Variants in MAFK observed in about 807,000 individuals in gnomAD.
MAFK encodes transcription factor MafK.
In MAFK, 1 loss-of-function variant was observed where a neutral mutation model predicts 9.2. The observed-to-expected ratio is 0.11, with a 90% CI of 0.04 to 0.52. MAFK has a LOEUF of 0.52. Ranked by LOEUF, MAFK falls within the 20% of genes least tolerant of loss-of-function variation. MAFK has a pLI of 0.94. For missense variants in MAFK, 207 were observed against 236.0 expected (o/e 0.88, Z 0.81); for synonymous variants, 110 against 107.4 (o/e 1.02, Z -0.15).
chr7:1,538,330 G>GTC (rs981915920), intron 1 of MAFK: 2 of 985,328 alleles, frequency 2.0e-6, no homozygotes, highest in African/African-American at 3.5e-5. Flanking sequence ...CACCTCCCTG[G>GTC]TCTCTGGCTG....
chr7:1,539,288 C>G (rs565737109), intron 2 of MAFK, 60 bp downstream of exon 2: 41 of 1,397,088 alleles, frequency 2.9e-5, no homozygotes, highest in Admixed American at 7.8e-5. Context: ...GCCCCCGGCC[C>G]GACAGCCCCT....
At chr7:1,537,881 G>A (rs1226181390) in intron 1 of MAFK, 1 of 184,352 alleles carries the variant, frequency 5.4e-6, no homozygotes, top group African/African-American at 2.4e-5. Context: ...ATGTCCAGTG[G>A]AGGTGCTGAC....
At chr7:1,535,085 C>CTTTTTTTTTTTTTT (rs59057812) in intron 1 of MAFK, among the ~76,000 whole-genome samples, 37 of 111,946 alleles carry the variant, frequency 3.3e-4, no homozygotes, top group African/African-American at 5.5e-4. Context: ...ATTTAAAATT[C>CTTTTTTTTTTTTTT]TTTTTTTTTT....
chr7:1,531,973 A>G (rs1031442618), intron 1 of MAFK, among the ~76,000 whole-genome samples: 16 of 152,186 alleles, frequency 1.1e-4, no homozygotes, highest in African/African-American at 3.9e-4. Flanking sequence ...CCATTCATTC[A>G]CCAGGTGACC....
At position 1,540,605 on chromosome 7, in the gene MAFK, G is replaced by T; in HGVS notation, c.*230G>T. 1 of 537,200 alleles carries T rather than the reference G, an allele frequency of 1.9e-6. No homozygotes were observed. Among genetic ancestry groups the T allele is most frequent in the Non-Finnish European group, 3.3e-6 (1 of 305,524 alleles). The allele number at this position is 537,200 out of a possible 1,614,324, so 33.3% of individuals were successfully genotyped here. On this transcript the variant is annotated 3_prime_UTR_variant, in exon 3 of 3. Transcript: ENST00000343242. Reference sequence around the variant, plus strand: ...ACAGACACACTCACGCCCGCCACCTGCTCCCCGCAGGATGTGTCTGTGTGT... The same window carrying T: ...ACAGACACACTCACGCCCGCCACCTTCTCCCCGCAGGATGTGTCTGTGTGT...
chr7:1,535,823 C>A (rs1195254421), intron 1 of MAFK, among the ~76,000 whole-genome samples: 1 of 152,218 alleles, frequency 6.6e-6, no homozygotes. Context: ...CTGGGCGGAG[C>A]CGCCCTGCCC....
rs1319216259 is a variant in MAFK at position 1,534,772 on chromosome 7, C to T, written c.-45+3874C>T. ...GGCCTCGTAGAGCGAGCGGCAGCCC[C>T]GATGCGTCCTCTCATCTGGGAAGAA... is the stretch of plus-strand genomic sequence containing the variant. On this transcript the variant is annotated intron_variant, in intron 1 of 2. Transcript: ENST00000343242. The surrounding 1 kb of genome is among the most constrained non-coding windows in gnomAD (Gnocchi z 4.3). 5 of 386,162 alleles carry T rather than the reference C, an allele frequency of 1.3e-5. No homozygotes were observed. The highest frequency in any genetic ancestry group is 6.2e-5 in the African/African-American group (3 of 48,100). The allele number at this position is 386,162 out of a possible 1,614,324, so 23.9% of individuals were successfully genotyped here.
At position 1,540,454 on chromosome 7, in the gene MAFK, G is replaced by C. The variant is rs1784151251; in HGVS notation, c.*79G>C. 3 of 1,296,882 alleles carry C rather than the reference G, an allele frequency of 2.3e-6. No homozygotes were observed. The highest frequency in any genetic ancestry group is 2.6e-5 in the East Asian group (1 of 38,938). The allele number at this position is 1,296,882 out of a possible 1,614,324, so 80.3% of individuals were successfully genotyped here. On this transcript the variant is annotated 3_prime_UTR_variant, in exon 3 of 3. Transcript: ENST00000343242. ...GGCACACCCCTCGTACCTGTCACTG[G>C]GATGCAGACTCTCGACATCCGAGTC...
intron 1 of MAFK, among the ~76,000 whole-genome samples, chr7:1,531,650 G>A (rs1460664268): frequency 6.6e-6 from 1 of 151,900 alleles, no homozygotes; most frequent in Non-Finnish European, 1.5e-5. Flanking sequence ...CTGTGCCTCT[G>A]TCAAGTTCAG....
At position 1,539,221 on chromosome 7, in the gene MAFK, C is replaced by T; in HGVS notation, c.29C>T (p.Ala10Val). The T allele has an allele frequency of 6.2e-7, 1 of 1,611,394 alleles. No homozygotes were observed. The highest frequency in any genetic ancestry group is 8.5e-7 in the Non-Finnish European group (1 of 1,178,898). The change falls in exon 2 of 3, where the codon GCA (alanine) becomes GTA (valine). Residue 10 changes from alanine (A) to valine (V), a missense_variant. Physicochemically the swap from Ala to Val is moderately conservative, Grantham distance 64. Coordinates refer to ENST00000343242, the MANE Select transcript of MAFK (RefSeq NM_002360.4). MTTNPKPNKALKVKKEAGEN... is the reference protein window; with the variant it reads MTTNPKPNKVLKVKKEAGEN... The stretch of plus-strand genomic sequence containing the variant: ...ACGACTAATCCCAAACCGAATAAGG[C>T]ATTAAAGGTAAGGCTGGTTCCAAGC...
chr7:1,536,346 C>T (rs895514979), intron 1 of MAFK, among the ~76,000 whole-genome samples: 3 of 152,150 alleles, frequency 2.0e-5, no homozygotes, highest in African/African-American at 7.2e-5. Flanking sequence ...AATGCGAGGA[C>T]GTCGTTCCTC....
intron 1 of MAFK, among the ~76,000 whole-genome samples, chr7:1,531,733 G>A (rs928294475): frequency 2.5e-4 from 38 of 150,014 alleles, no homozygotes; most frequent in Admixed American, 2.5e-3. Context: ...GGTGGGACCA[G>A]GCGCCACCGA....
At chr7:1,538,867 C>G (rs1387894696) in intron 1 of MAFK, 3 of 324,778 alleles carry the variant, frequency 9.2e-6, no homozygotes, top group Non-Finnish European at 1.7e-5. Context: ...CTGCCAGGCC[C>G]TGGGGTGGGG....
rs747636678 is a variant in MAFK at position 1,540,280 on chromosome 7, G to C, written c.376G>C (p.Val126Leu). The C allele has an allele frequency of 6.2e-7, 1 of 1,611,678 alleles. No homozygotes were observed. Among genetic ancestry groups the C allele is most frequent in the Non-Finnish European group, 8.5e-7 (1 of 1,179,370 alleles). The stretch of plus-strand genomic sequence containing the variant: ...CGCGCGCACCGTGGCCCGGGGACCT[G>C]TGGCGCCCTCCAAGGTGGCCACCAC... Reference protein sequence around the residue: ...TFARTVARGPVAPSKVATTSV... With the variant: ...TFARTVARGPLAPSKVATTSV... The change falls in exon 3 of 3, where the codon GTG becomes CTG. Residue 126 changes from valine (V) to leucine (L), a missense_variant. Physicochemically the swap from Val to Leu is conservative, Grantham distance 32. Transcript: ENST00000343242.
chr7:1,535,778 A>AGCCCG (rs1562544440), intron 1 of MAFK, among the ~76,000 whole-genome samples: 7 of 152,152 alleles, frequency 4.6e-5, no homozygotes, highest in Admixed American at 4.6e-4. Context: ...GGGGGAGCCC[A>AGCCCG]GGGCTCTGAT....
At position 1,540,483 on chromosome 7, in the gene MAFK, G is replaced by A. The variant is rs1349753634; in HGVS notation, c.*108G>A. ...GCAGACTCTCGACATCCGAGTCCAA[G>A]CGCAGGCCCCTCGGGCGCAGGCAGC... On this transcript the variant is annotated 3_prime_UTR_variant, in exon 3 of 3. Transcript: ENST00000343242. 16 of 1,145,882 alleles carry A rather than the reference G, an allele frequency of 1.4e-5. No homozygotes were observed. The East Asian group carries it at 3.9e-4, about 28-fold the overall frequency. The allele number at this position is 1,145,882 out of a possible 1,614,324, so 71.0% of individuals were successfully genotyped here. A position where few individuals can be genotyped will look rare whatever the true frequency, so the allele number is the denominator to read the frequency against.
chr7:1,535,771 G>C (rs1025872928), intron 1 of MAFK, among the ~76,000 whole-genome samples: 5 of 152,234 alleles, frequency 3.3e-5, no homozygotes, highest in Non-Finnish European at 7.3e-5. Context: ...CCTGCCGGGG[G>C]GAGCCCAGGG....
chr7:1,540,025 C>T lies in MAFK; in HGVS notation c.121C>T (p.Leu41=), dbSNP rs1784138425. Reference sequence around the variant, plus strand: ...GTCGGTGCGGGAGCTGAACCAGCACCTGCGGGGTCTCACCAAGGAGGAGGT... The same window carrying T: ...GTCGGTGCGGGAGCTGAACCAGCACTTGCGGGGTCTCACCAAGGAGGAGGT... The part of the protein sequence containing the change: ...SMSVRELNQH[L]RGLTKEEVTR... The change falls in exon 3 of 3, where the codon CTG becomes TTG. Residue 41 remains leucine (L), a synonymous_variant. Transcript: ENST00000343242. 8.3e-6 allele frequency: 13 copies of T among 1,559,156 alleles called. No homozygotes were observed. Among genetic ancestry groups the T allele is most frequent in the Non-Finnish European group, 1.0e-5 (12 of 1,151,674 alleles).
At chr7:1,539,725 T>G (rs1301336675) in intron 2 of MAFK, among the ~76,000 whole-genome samples, 1 of 152,194 alleles carries the variant, frequency 6.6e-6, no homozygotes, top group African/African-American at 2.4e-5. Context: ...ATGTCACCAC[T>G]GGCTTTTCCC....
Sources: gnomAD v4.1 joint callset for allele counts (sites outside exome capture counted in the v4.1 genomes callset) on GRCh38, gnomAD v4.1.1 for gene constraint, Gnocchi (gnomAD v3.1) non-coding constraint, MANE v1.5 for transcripts, NCBI Gene and HGNC (gene_info 2026-07-23, HGNC 2026-07-21) for gene names.